The following EYS variants were observed in gnomAD, a reference collection of about 807,000 sequenced individuals.
EYS encodes the protein EGF-like photoreceptor maintenance factor, also known as protein eyes shut homolog.
A neutral mutation model predicts 282.1 loss-of-function variants in EYS; 250 were observed. The ratio of observed to expected loss-of-function variants is 0.89; its 90% CI spans 0.80 to 0.98. EYS has a LOEUF of 0.98. Ranked by LOEUF, EYS falls within the 50% of genes least tolerant of loss-of-function variation. The pLI, the probability that EYS is intolerant of heterozygous loss-of-function variation, is 0.00. For missense variants in EYS, 4,016 were observed against 3,709.0 expected (o/e 1.08, Z -2.15); for synonymous variants, 1,355 against 1,282.9 (o/e 1.06, Z -1.20).
chr6:65,069,383 G>A (rs1371811542), intron 12 of EYS, among the ~76,000 whole-genome samples: 2 of 151,760 alleles, frequency 1.3e-5, no homozygotes, highest in Admixed American at 6.6e-5. Flanking sequence ...CTCAATTTCA[G>A]TCACAGAACA....
At chr6:65,011,197 C>T (rs1466213457) in intron 13 of EYS, among the ~76,000 whole-genome samples, 4 of 152,192 alleles carry the variant, frequency 2.6e-5, no homozygotes, top group Admixed American at 2.0e-4. Flanking sequence ...AAACCCTTCA[C>T]CAAACCTTTC....
chr6:65,075,215 C>T (rs1432650308), intron 12 of EYS, among the ~76,000 whole-genome samples: 1 of 151,902 alleles, frequency 6.6e-6, no homozygotes, highest in East Asian at 1.9e-4. Flanking sequence ...GGGTACATTT[C>T]TTGAAAACCA....
intron 19 of EYS, among the ~76,000 whole-genome samples, chr6:64,833,140 C>T (rs1468855027): frequency 2.0e-5 from 3 of 151,854 alleles, no homozygotes; most frequent in African/African-American, 7.2e-5. Context: ...TCTTGTACTT[C>T]AATACCACAA....
intron 30 of EYS, among the ~76,000 whole-genome samples, chr6:64,303,281 C>T (rs1272058232): frequency 1.3e-5 from 2 of 152,178 alleles, no homozygotes; most frequent in East Asian, 3.9e-4. Context: ...CCAAGTAACA[C>T]TACAGGTCAC....
At chr6:64,390,976 T>A (rs1004220578) in intron 28 of EYS, among the ~76,000 whole-genome samples, 1 of 151,752 alleles carries the variant, frequency 6.6e-6, no homozygotes, top group African/African-American at 2.4e-5. Context: ...ACGTGAAGAA[T>A]GCAGAAGCCT....
chr6:64,620,645 G>A (rs1039668616), intron 23 of EYS, among the ~76,000 whole-genome samples: 2 of 152,098 alleles, frequency 1.3e-5, no homozygotes, highest in Non-Finnish European at 2.9e-5. Flanking sequence ...GTGGGACAAG[G>A]TAATGGGTAA....
intron 12 of EYS, among the ~76,000 whole-genome samples, chr6:65,083,738 A>G (rs1396379344): frequency 6.6e-6 from 1 of 151,868 alleles, no homozygotes; most frequent in Admixed American, 6.6e-5. Flanking sequence ...TATTCCTTTT[A>G]TTGAGACTGG....
chr6:65,600,717 T>A (rs9453338), intron 2 of EYS, among the ~76,000 whole-genome samples: 2,307 of 152,046 alleles, frequency 0.015, 24 homozygotes, highest in African/African-American at 0.023. Flanking sequence ...AACATAAAAA[T>A]TTTTAGTAGT....
intron 12 of EYS, among the ~76,000 whole-genome samples, chr6:65,203,748 C>T (rs1206469170): frequency 6.6e-6 from 1 of 151,922 alleles, no homozygotes. Flanking sequence ...TTGAAATGAC[C>T]AAATTCAAAC....
chr6:64,814,332 C>A (rs1764685295), intron 21 of EYS, among the ~76,000 whole-genome samples: 1 of 151,988 alleles, frequency 6.6e-6, no homozygotes, highest in African/African-American at 2.4e-5. Context: ...CATGGATGCA[C>A]AAAATGGTGA....
chr6:64,014,465 G>A (rs1768793737), intron 33 of EYS, among the ~76,000 whole-genome samples: 2 of 151,986 alleles, frequency 1.3e-5, no homozygotes, highest in Middle Eastern at 3.2e-3. Context: ...GATTTATGAA[G>A]AAACAGAAAA....
At chr6:63,806,978 A>G (rs1770923782) in intron 36 of EYS, 1 of 152,238 alleles carries the variant, frequency 6.6e-6, no homozygotes, top group East Asian at 1.9e-4. Flanking sequence ...AGTAATAAAA[A>G]CATGGAATTC....
At chr6:65,165,065 A>C (rs1764940699) in intron 12 of EYS, among the ~76,000 whole-genome samples, 2 of 151,352 alleles carry the variant, frequency 1.3e-5, no homozygotes, top group Non-Finnish European at 3.0e-5. Flanking sequence ...AACCTATAAC[A>C]GTAGCTATCC....
rs1169184275 is a variant in EYS at position 63,984,619 on chromosome 6, C to A, written c.6835-16G>T. 2 of 1,496,010 alleles carry A rather than the reference C, an allele frequency of 1.3e-6. No homozygotes were observed. The highest frequency in any genetic ancestry group is 1.4e-5 in the African/African-American group (1 of 71,336). 92.7% of individuals were successfully genotyped at this position (1,496,010 alleles called of 1,614,324 possible). On this transcript the variant is annotated splice_polypyrimidine_tract_variant and intron_variant, in intron 34 of 42. Transcript: ENST00000503581. ...CAAAATATGCCTGTAGAAAAAGTAA[C>A]AACAAAAAATATTATAGGTTGTTGT...
At chr6:65,389,388 G>T (rs9345618) in intron 7 of EYS, among the ~76,000 whole-genome samples, 32,897 of 152,036 alleles carry the variant, frequency 0.22, 4,090 homozygotes, top group Admixed American at 0.27. Context: ...TACTCCCTCT[G>T]CCATGAACAC....
chr6:65,059,061 T>C (rs1280060751), intron 12 of EYS, among the ~76,000 whole-genome samples: 1 of 152,076 alleles, frequency 6.6e-6, no homozygotes, highest in Non-Finnish European at 1.5e-5. Context: ...ATTTAGTGAA[T>C]ACCTGACACT....
At chr6:64,606,815 T>C (rs1766952622) in intron 24 of EYS, among the ~76,000 whole-genome samples, 1 of 151,994 alleles carries the variant, frequency 6.6e-6, no homozygotes, top group Non-Finnish European at 1.5e-5. Flanking sequence ...TGAAAACAGT[T>C]ACAGAAAGTA....
intron 12 of EYS, among the ~76,000 whole-genome samples, chr6:65,289,008 A>T: frequency 6.6e-6 from 1 of 151,022 alleles, no homozygotes; most frequent in Non-Finnish European, 1.5e-5. Context: ...AAAAGGAAAA[A>T]TATAACATAG....
At chr6:64,582,790 G>T (rs1766116040) in intron 26 of EYS, among the ~76,000 whole-genome samples, 1 of 152,224 alleles carries the variant, frequency 6.6e-6, no homozygotes, top group East Asian at 1.9e-4. Context: ...GGAATGAAAT[G>T]CAAATAATGA....
Sources: allele counts gnomAD v4.1 joint callset (sites outside exome capture counted in the v4.1 genomes callset), GRCh38; gene constraint gnomAD v4.1.1; transcripts MANE v1.5; gene names NCBI Gene and HGNC (gene_info 2026-07-23, HGNC 2026-07-21).